The following MYO9B variants were observed in gnomAD, a reference collection of about 807,000 sequenced individuals.
MYO9B encodes myosin IXB.
MYO9B carries 71 observed loss-of-function variants against 229.5 expected under a neutral mutation model. The observed-to-expected ratio is 0.31, with a 90% CI of 0.26 to 0.38. The LOEUF is 0.38. MYO9B is among the 10% of genes least tolerant of loss of function. MYO9B has a pLI of 1.00. For synonymous variants in MYO9B, 1,185 were observed against 1,235.8 expected, an observed-to-expected ratio of 0.96 and a Z score of 0.86; for missense variants, 2,255 against 2,920.5, an observed-to-expected ratio of 0.77 and a Z score of 5.25.
intron 2 of MYO9B, among the ~76,000 whole-genome samples, chr19:17,129,456 A>G (rs1388053632): frequency 1.3e-5 from 2 of 152,228 alleles, no homozygotes; most frequent in Non-Finnish European, 2.9e-5. Context: ...GGAAGTGAGC[A>G]GCCCACTCTG....
At chr19:17,208,847 G>A (rs2073192533) in intron 35 of MYO9B, among the ~76,000 whole-genome samples, 1 of 151,780 alleles carries the variant, frequency 6.6e-6, no homozygotes, top group African/African-American at 2.4e-5. Context: ...AGTCCCTCTG[G>A]TACTGACCAC....
chr19:17,190,561 C>T (rs1047827917), intron 19 of MYO9B, among the ~76,000 whole-genome samples: 1 of 150,728 alleles, frequency 6.6e-6, no homozygotes, highest in Non-Finnish European at 1.5e-5. Flanking sequence ...TCACTTGAGC[C>T]CAGGAGGTCA....
chr19:17,170,729 C>T (rs976730528), intron 11 of MYO9B, among the ~76,000 whole-genome samples: 2 of 145,784 alleles, frequency 1.4e-5, no homozygotes, highest in African/African-American at 5.2e-5. Context: ...GAGGCTGAGG[C>T]AGGAGGATCA....
At chr19:17,107,581 C>T (rs2057804421) in intron 2 of MYO9B, among the ~76,000 whole-genome samples, 1 of 152,208 alleles carries the variant, frequency 6.6e-6, no homozygotes, top group African/African-American at 2.4e-5. Flanking sequence ...GGCCAGAAGT[C>T]TGAAATCAAG....
chr19:17,085,322 T>C (rs1209838259), intron 1 of MYO9B, among the ~76,000 whole-genome samples: 1 of 152,054 alleles, frequency 6.6e-6, no homozygotes, highest in Non-Finnish European at 1.5e-5. Context: ...CCGCAAGGGC[T>C]GGGTCACAGA....
intron 35 of MYO9B, among the ~76,000 whole-genome samples, chr19:17,208,403 A>G (rs1340148111): frequency 6.7e-6 from 1 of 150,042 alleles, no homozygotes; most frequent in African/African-American, 2.4e-5. Context: ...ATGTGCTTTA[A>G]TGAGCACACC....
At chr19:17,114,530 C>T (rs1186575110) in intron 2 of MYO9B, among the ~76,000 whole-genome samples, 2 of 152,284 alleles carry the variant, frequency 1.3e-5, no homozygotes, top group Non-Finnish European at 2.9e-5. Context: ...CACTGAGTGA[C>T]GTCTTACAAT....
At position 17,202,034 on chromosome 19, in the gene MYO9B, G is replaced by T; in HGVS notation, c.4662+10G>T. On this transcript the variant is annotated intron_variant, in intron 27 of 39. Coordinates refer to ENST00000682292, the MANE Select transcript of MYO9B (RefSeq NM_004145.4). ...GATGTACTCTGTCCCGGTATGTGGC[G>T]GCCCGGCCTTCAGCCTTTCCCATAC... 3.1e-6 allele frequency: 5 copies of T among 1,611,620 alleles called. No homozygotes were observed. Among genetic ancestry groups the T allele is most frequent in the Non-Finnish European group, 4.2e-6 (5 of 1,178,906 alleles).
intron 38 of MYO9B, 68 bp from the exon 39 acceptor site, chr19:17,211,579 C>T: frequency 7.0e-7 from 1 of 1,432,560 alleles, no homozygotes. Flanking sequence ...GGACAGCCTG[C>T]TCTGTTCCAC....
intron 2 of MYO9B, among the ~76,000 whole-genome samples, chr19:17,134,035 A>G (rs2072235797): frequency 6.6e-6 from 1 of 152,110 alleles, no homozygotes; most frequent in African/African-American, 2.4e-5. Flanking sequence ...TGCTGGGATT[A>G]CAGGCGTGAG....
rs2073092558 is a variant in MYO9B, at chr19:17,200,276, C to T, written c.4239-17C>T. On this transcript the variant is annotated splice_polypyrimidine_tract_variant and intron_variant, in intron 24 of 39. Transcript: ENST00000682292. ...TTCATTTCAGACTTAAAAGAAGCCA[C>T]GTACTTTCTCCTGCAGATCCACGTT... The T allele has an allele frequency of 3.1e-6, 5 of 1,601,096 alleles. No individual in the cohort carries two copies. Among genetic ancestry groups the T allele is most frequent in the African/African-American group, 2.7e-5 (2 of 73,894 alleles).
chr19:17,081,349 A>G (rs1352166641), intron 1 of MYO9B, among the ~76,000 whole-genome samples: 2 of 152,146 alleles, frequency 1.3e-5, no homozygotes, highest in Non-Finnish European at 2.9e-5. Flanking sequence ...TTTAGATAAT[A>G]TAGGAACCTG....
At chr19:17,176,291 C>T (rs1418803727) in intron 14 of MYO9B, among the ~76,000 whole-genome samples, 2 of 152,102 alleles carry the variant, frequency 1.3e-5, no homozygotes, top group Non-Finnish European at 2.9e-5. Context: ...CCGCCTCAGC[C>T]TCCCAAAGTG....
intron 2 of MYO9B, among the ~76,000 whole-genome samples, chr19:17,143,282 A>C (rs1359656829): frequency 6.6e-6 from 1 of 152,030 alleles, no homozygotes; most frequent in African/African-American, 2.4e-5. Context: ...AACCTCAGAC[A>C]CAGAGATAAA....
chr19:17,175,537 C>A, intron 13 of MYO9B, 126 bp from the exon 14 acceptor site: 1 of 674,428 alleles, frequency 1.5e-6, no homozygotes, highest in Non-Finnish European at 2.3e-6. Flanking sequence ...CGAGATCGCG[C>A]CACTGTGCTC....
chr19:17,159,480 G>A lies in MYO9B; in HGVS notation c.1415G>A (p.Ser472Asn). ...AAGCTTATCCTTCCCTACAGCCTCAGCGAGGTGAGCTCTGCCCAGGCACTC... is the reference window on the plus strand; with the variant it reads ...AAGCTTATCCTTCCCTACAGCCTCAACGAGGTGAGCTCTGCCCAGGCACTC... ...NDKLILPYSL[S>N]EAITARDSMA... Residue 472 changes from serine to asparagine, a missense_variant, in exon 8 of 40, where the codon AGC (serine) becomes AAC (asparagine). By Grantham distance (46) the Ser-to-Asn change is conservative (BLOSUM62 1). Transcript: ENST00000682292. 1 of 1,607,196 alleles carries A rather than the reference G, an allele frequency of 6.2e-7. No homozygotes were observed. Among genetic ancestry groups the A allele is most frequent in the South Asian group, 1.1e-5 (1 of 89,456 alleles).
chr19:17,172,591 C>G lies in MYO9B; in HGVS notation c.1935+114C>G. On this transcript the variant is annotated intron_variant, in intron 12 of 39. Transcript: ENST00000682292. This position sits in a 1 kb window ranked among gnomAD's most constrained non-coding sequence, Gnocchi z 8.2. The stretch of plus-strand genomic sequence containing the variant: ...AGGTTCCAGGGTGCTCAGAACCCAC[C>G]GCGAATCCCCGGCTCCAATGTCCAA... 2.7e-6 allele frequency: 4 copies of G among 1,480,640 alleles called. No homozygotes were observed. Among genetic ancestry groups the G allele is most frequent in the Non-Finnish European group, 3.7e-6 (4 of 1,093,492 alleles). 91.7% of individuals were successfully genotyped at this position (1,480,640 alleles called of 1,614,324 possible). A position where few individuals can be genotyped will look rare whatever the true frequency, so the allele number is the denominator to read the frequency against.
At chr19:17,129,417 C>T (rs926349456) in intron 2 of MYO9B, among the ~76,000 whole-genome samples, 3 of 152,030 alleles carry the variant, frequency 2.0e-5, no homozygotes, top group Non-Finnish European at 4.4e-5. Flanking sequence ...ACAACAACAA[C>T]AACAAAAAGA....
chr19:17,093,200 G>C (rs571201061), intron 1 of MYO9B, among the ~76,000 whole-genome samples: 43 of 152,240 alleles, frequency 2.8e-4, no homozygotes, highest in African/African-American at 9.6e-4. Context: ...GGGCGTGGTG[G>C]TGCACGCCTG....
Sources: gnomAD v4.1 joint callset for allele counts (sites outside exome capture counted in the v4.1 genomes callset) on GRCh38, gnomAD v4.1.1 for gene constraint, Gnocchi (gnomAD v3.1) non-coding constraint, MANE v1.5 for transcripts, NCBI Gene and HGNC (gene_info 2026-07-23, HGNC 2026-07-21) for gene names.